SH3PXD2A: variants seen among roughly 807,000 people sequenced by gnomAD.
The protein encoded by SH3PXD2A is SH3 and PX domains 2A, also known as SH3 and PX domain-containing protein 2A.
In SH3PXD2A, 32 loss-of-function variants were observed where a neutral mutation model predicts 115.2. The ratio of observed to expected loss-of-function variants is 0.28; its 90% CI spans 0.21 to 0.37. SH3PXD2A has a LOEUF of 0.37. SH3PXD2A is among the 10% of genes least tolerant of loss of function. SH3PXD2A has a pLI of 1.00. For synonymous variants in SH3PXD2A, 610 were observed against 629.1 expected, an observed-to-expected ratio of 0.97 and a Z score of 0.45; for missense variants, 1,328 against 1,498.7, an observed-to-expected ratio of 0.89 and a Z score of 1.88.
At chr10:103,685,047 C>CA (rs995638844) in intron 6 of SH3PXD2A, among the ~76,000 whole-genome samples, 29 of 145,082 alleles carry the variant, frequency 2.0e-4, no homozygotes, top group African/African-American at 6.7e-4. Flanking sequence ...AAAACAAAAA[C>CA]AAAAAAAAGG....
Position 103,658,707 on chromosome 10 carries a change from A to G in SH3PXD2A, c.604+2276T>C, listed in dbSNP as rs539771107. Among the ~76,000 whole-genome samples the G allele has an allele frequency of 1.4e-4, 21 of 152,310 alleles. No homozygotes were observed. The South Asian group carries it at 4.4e-3, about 32-fold the overall frequency. ...GCAGCTGTCTCTACCAACGGTAAAG[A>G]TACGAAACTCCCAGAAGTAGAAAAG... On this transcript the variant is annotated intron_variant, in intron 8 of 14. Coordinates refer to ENST00000369774, the MANE Select transcript of SH3PXD2A (RefSeq NM_001394015.1).
intron 7 of SH3PXD2A, among the ~76,000 whole-genome samples, chr10:103,667,240 A>C (rs1408499205): frequency 6.6e-6 from 1 of 152,040 alleles, no homozygotes; most frequent in East Asian, 1.9e-4. Context: ...GATCATCTTG[A>C]GACGTGGTTA....
At chr10:103,604,308 C>G (rs1171351215) in intron 14 of SH3PXD2A, among the ~76,000 whole-genome samples, 1 of 152,188 alleles carries the variant, frequency 6.6e-6, no homozygotes, top group African/African-American at 2.4e-5. Flanking sequence ...CAGAGCCTTT[C>G]CCCAGGATCC....
intron 1 of SH3PXD2A, among the ~76,000 whole-genome samples, chr10:103,803,139 A>T (rs991853554): frequency 3.3e-5 from 5 of 152,120 alleles, no homozygotes; most frequent in African/African-American, 1.2e-4. Context: ...ACAGAGGCAG[A>T]CTCATGCCAT....
At chr10:103,817,730 G>T (rs761496488) in intron 1 of SH3PXD2A, among the ~76,000 whole-genome samples, 61 of 152,292 alleles carry the variant, frequency 4.0e-4, no homozygotes, top group Non-Finnish European at 5.9e-4. Context: ...ATATTATTCA[G>T]TTATAAAAAA....
Position 103,681,755 on chromosome 10 carries a change from C to T in SH3PXD2A, c.427+11273G>A, listed in dbSNP as rs536438030. Among the ~76,000 whole-genome samples the T allele has an allele frequency of 8.0e-3, 1,007 of 125,414 alleles. 14 individuals carry two copies. The highest frequency in any genetic ancestry group is 0.025 in the African/African-American group (949 of 38,486). The allele number at this position is 125,414 out of a possible 152,430, so 82.3% of individuals were successfully genotyped here. The stretch of plus-strand genomic sequence containing the variant: ...TGAGACTCCATCACACACACACACG[C>T]GCCCGCGCGCGCGCGCGCACACACA... On this transcript the variant is annotated intron_variant, in intron 6 of 14. Transcript: ENST00000369774.
chr10:103,768,120 G>A (rs889584904), intron 2 of SH3PXD2A, among the ~76,000 whole-genome samples: 5 of 152,188 alleles, frequency 3.3e-5, no homozygotes, highest in African/African-American at 9.7e-5. Context: ...TTACAGCACT[G>A]GGCACTAAGG....
At position 103,644,882 on chromosome 10, in the gene SH3PXD2A, T is replaced by G. The variant is rs896677938; in HGVS notation, c.604+16101A>C. 7.9e-5 allele frequency among the ~76,000 whole-genome samples: 12 copies of G among 152,064 alleles called. 1 individual carries two copies. The highest frequency in any genetic ancestry group is 4.4e-5 in the Non-Finnish European group (3 of 68,016). On this transcript the variant is annotated intron_variant, in intron 8 of 14. Transcript: ENST00000369774. ...GAATGGCCACATGCTGGCCACAGAG[T>G]GGCTATTCAGTGGCAGAGTAGGATT...
At chr10:103,650,743 T>TTGTGCCATCCTGC (rs11273532) in intron 8 of SH3PXD2A, among the ~76,000 whole-genome samples, 1 of 152,044 alleles carries the variant, frequency 6.6e-6, no homozygotes, top group Non-Finnish European at 1.5e-5. Flanking sequence ...CCAGAGCAGA[T>TTGTGCCATCCTGC]TGAGTCCTAG....
At position 103,851,148 on chromosome 10, in the gene SH3PXD2A, GAA is replaced by G. The variant is rs11357351; in HGVS notation, c.72+4045_72+4046del. On this transcript the variant is annotated intron_variant, in intron 1 of 14. Transcript: ENST00000369774. ...GCTGGAGTCACAATCTAAGGGCTGA[GAA>G]AAAAAAAAAAAAAGAAGGGCACAGA... Among the ~76,000 whole-genome samples, 48 of 140,600 alleles carry G rather than the reference GAA, an allele frequency of 3.4e-4. No homozygotes were observed. The Middle Eastern group carries it at 0.018, about 53-fold the overall frequency. The allele number at this position is 140,600 out of a possible 152,430, so 92.2% of individuals were successfully genotyped here. A position where few individuals can be genotyped will look rare whatever the true frequency, so the allele number is the denominator to read the frequency against.
chr10:103,846,519 T>G (rs1842849979), intron 1 of SH3PXD2A, among the ~76,000 whole-genome samples: 1 of 152,178 alleles, frequency 6.6e-6, no homozygotes, highest in Non-Finnish European at 1.5e-5. Flanking sequence ...CAACTCACTT[T>G]GTATAGCATC....
In SH3PXD2A at chr10:103,836,742, C is replaced by T. The variant is rs532260122; in HGVS notation, c.72+18453G>A. Among the ~76,000 whole-genome samples, 4 of 151,904 alleles carry T rather than the reference C, an allele frequency of 2.6e-5. No individual in the cohort carries two copies. In the East Asian group the frequency reaches 5.9e-4, roughly 22 times the overall value. On this transcript the variant is annotated intron_variant, in intron 1 of 14. Coordinates refer to ENST00000369774, the MANE Select transcript of SH3PXD2A (RefSeq NM_001394015.1). ...CTCCCTTTGTTTTCTTAAAGATGTT[C>T]TCACCATCTCTAAAAACACACTAGT...
chr10:103,738,997 T>A (rs1285568106), intron 3 of SH3PXD2A, among the ~76,000 whole-genome samples: 1 of 152,202 alleles, frequency 6.6e-6, no homozygotes, highest in Non-Finnish European at 1.5e-5. Flanking sequence ...TTCTCCATGT[T>A]GGTCAGGCTG....
chr10:103,793,655 G>A (rs149763861), intron 2 of SH3PXD2A, among the ~76,000 whole-genome samples: 38 of 152,346 alleles, frequency 2.5e-4, no homozygotes, highest in African/African-American at 9.1e-4. Flanking sequence ...TTCTGGAGCT[G>A]GCACTGCCAC....
chr10:103,737,331 T>C (rs2134187593), intron 3 of SH3PXD2A, among the ~76,000 whole-genome samples: 1 of 152,368 alleles, frequency 6.6e-6, no homozygotes, highest in East Asian at 1.9e-4. Flanking sequence ...TCATTTCCAT[T>C]GCATGTGAGC....
chr10:103,678,195 T>C (rs1355938671), intron 6 of SH3PXD2A: 3 of 1,273,502 alleles, frequency 2.4e-6, no homozygotes, highest in African/African-American at 1.5e-5. Flanking sequence ...CAGCCTCCCA[T>C]GGTGTTTGCT....
intron 6 of SH3PXD2A, among the ~76,000 whole-genome samples, chr10:103,676,159 G>C (rs1294939772): frequency 6.6e-6 from 1 of 152,212 alleles, no homozygotes; most frequent in Non-Finnish European, 1.5e-5. Flanking sequence ...TCCTCATGGG[G>C]GATGTCATTT....
chr10:103,719,491 A>C lies in SH3PXD2A; in HGVS notation c.398+4779T>G, dbSNP rs76348142. 6.3e-3 allele frequency among the ~76,000 whole-genome samples: 962 copies of C among 152,278 alleles called. 11 individuals carry two copies. Among genetic ancestry groups the C allele is most frequent in the African/African-American group, 0.022 (903 of 41,558 alleles). Reference sequence around the variant, plus strand: ...ACCATAGTGAGGGCTGAATGACAACAATCATTCATCCAACAGAGACCCTCT... The same window carrying C: ...ACCATAGTGAGGGCTGAATGACAACCATCATTCATCCAACAGAGACCCTCT... On this transcript the variant is annotated intron_variant, in intron 5 of 14. Coordinates refer to ENST00000369774, the MANE Select transcript of SH3PXD2A (RefSeq NM_001394015.1).
At chr10:103,662,381 A>G (rs1160932706) in intron 7 of SH3PXD2A, among the ~76,000 whole-genome samples, 6 of 75,286 alleles carry the variant, frequency 8.0e-5, no homozygotes, top group African/African-American at 1.1e-4. Flanking sequence ...TTAAAATATG[A>G]TGTGCTTTTT....
Sources: allele counts gnomAD v4.1 joint callset (sites outside exome capture counted in the v4.1 genomes callset), GRCh38; gene constraint gnomAD v4.1.1; transcripts MANE v1.5; gene names NCBI Gene and HGNC (gene_info 2026-07-23, HGNC 2026-07-21).